SNX8: variants seen among roughly 807,000 people sequenced by gnomAD.
SNX8 encodes sorting nexin 8, also known as sorting nexin-8.
In SNX8, 25 loss-of-function variants were observed where a neutral mutation model predicts 51.6. The observed-to-expected ratio is 0.48, with a 90% CI of 0.35 to 0.68. SNX8 has a LOEUF of 0.68. Ranked by LOEUF, SNX8 falls within the 30% of genes least tolerant of loss-of-function variation. The probability of loss-of-function intolerance (pLI) is 0.00; values close to 1 mark genes in which losing one functional copy is unlikely to be tolerated. For synonymous variants in SNX8, 324 were observed against 277.0 expected, an observed-to-expected ratio of 1.17 and a Z score of -1.68; for missense variants, 695 against 624.0, an observed-to-expected ratio of 1.11 and a Z score of -1.21.
intron 1 of SNX8, among the ~76,000 whole-genome samples, chr7:2,292,822 C>T (rs1422015237): frequency 6.6e-6 from 1 of 151,986 alleles, no homozygotes; most frequent in Non-Finnish European, 1.5e-5. Context: ...GATTTGGACA[C>T]CAGCCTGGGC....
intron 5 of SNX8, among the ~76,000 whole-genome samples, chr7:2,264,929 A>G (rs1023288504): frequency 5.3e-5 from 8 of 152,114 alleles, no homozygotes; most frequent in African/African-American, 1.9e-4. Context: ...CAGCTACTCC[A>G]GAGGCTGAGA....
intron 1 of SNX8, among the ~76,000 whole-genome samples, chr7:2,350,486 A>C (rs1458605099): frequency 6.6e-6 from 1 of 152,212 alleles, no homozygotes; most frequent in African/African-American, 2.4e-5. Context: ...ACGTTTCTTT[A>C]GAAAGAGTTT....
upstream of SNX8, among the ~76,000 whole-genome samples, chr7:2,316,019 CCACTCACT>C (rs993772072): frequency 2.8e-5 from 4 of 142,462 alleles, no homozygotes; most frequent in South Asian, 2.3e-4. Context: ...ATTCATTCAC[CCACTCACT>C]CACCCACTCA....
At chr7:2,269,694 C>T in intron 4 of SNX8, 55 bp from the exon 5 acceptor site, 3 of 1,249,846 alleles carry the variant, frequency 2.4e-6, no homozygotes, top group Non-Finnish European at 3.4e-6. Context: ...AAGAAAGCTG[C>T]TGTGGGGTAT....
intron 7 of SNX8, among the ~76,000 whole-genome samples, chr7:2,260,102 G>C (rs1795300201): frequency 6.6e-6 from 1 of 152,016 alleles, no homozygotes; most frequent in South Asian, 2.1e-4. Flanking sequence ...TTACAGATTT[G>C]GCTTTTTTTT....
At chr7:2,333,604 G>C (rs1052486933) in intron 1 of SNX8, among the ~76,000 whole-genome samples, 2 of 151,912 alleles carry the variant, frequency 1.3e-5, no homozygotes, top group African/African-American at 4.8e-5. Flanking sequence ...AAGATAATGT[G>C]GTATTGTCAT....
chr7:2,281,353 C>T (rs934487660), intron 1 of SNX8, among the ~76,000 whole-genome samples: 5 of 151,406 alleles, frequency 3.3e-5, no homozygotes, highest in African/African-American at 7.3e-5. Context: ...CAAGAGTTCA[C>T]GGCTGCGGTA....
intron 1 of SNX8, among the ~76,000 whole-genome samples, chr7:2,297,156 C>A (rs1036142547): frequency 6.6e-6 from 1 of 151,860 alleles, no homozygotes; most frequent in African/African-American, 2.4e-5. Context: ...ACAGCCTTTG[C>A]GGAAAACAGT....
chr7:2,327,629 G>C (rs186627669), intron 1 of SNX8, among the ~76,000 whole-genome samples: 1 of 149,040 alleles, frequency 6.7e-6, no homozygotes, highest in Non-Finnish European at 1.5e-5. Context: ...GGATGGTCTC[G>C]ATCTCCTGAC....
rs1239499703 is a variant in SNX8, at chr7:2,253,186, C to T, written c.*1870G>A. On this transcript the variant is annotated 3_prime_UTR_variant, in exon 11 of 11. Transcript: ENST00000222990. ...CTCATACACTCACTGACCCCGGAGT[C>T]CCTGCCAGGAAAGCTCCTTCAGAAA... The T allele has an allele frequency of 6.5e-6, 1 of 154,432 alleles. No individual in the cohort carries two copies. Among genetic ancestry groups the T allele is most frequent in the Non-Finnish European group, 1.5e-5 (1 of 68,320 alleles). 9.6% of individuals were successfully genotyped at this position (154,432 alleles called of 1,614,324 possible). A position where few individuals can be genotyped will look rare whatever the true frequency, so the allele number is the denominator to read the frequency against.
chr7:2,271,454 T>C (rs970150146), intron 4 of SNX8, among the ~76,000 whole-genome samples: 1 of 152,164 alleles, frequency 6.6e-6, no homozygotes, highest in Non-Finnish European at 1.5e-5. Flanking sequence ...CGGATGCAGG[T>C]GTGGGCTGTG....
rs369791561 is a variant in SNX8, at chr7:2,312,911, T to TG, written c.94+1416_94+1417insC. Among the ~76,000 whole-genome samples, 442 of 152,256 alleles carry TG rather than the reference T, an allele frequency of 2.9e-3. 2 individuals are homozygous for TG. The highest frequency in any genetic ancestry group is 9.7e-3 in the African/African-American group (402 of 41,554). The stretch of plus-strand genomic sequence containing the variant: ...TCGTTTGTTTTGTTTTGTTTTGTTT[T>TG]TTTTGAGGCGGAGTCTCGCTCTGTC... On this transcript the variant is annotated intron_variant, in intron 1 of 10. Coordinates refer to ENST00000222990, the MANE Select transcript of SNX8 (RefSeq NM_013321.4).
intron 1 of SNX8, among the ~76,000 whole-genome samples, chr7:2,331,820 A>C (rs997314831): frequency 4.0e-5 from 6 of 151,634 alleles, no homozygotes; most frequent in Non-Finnish European, 7.4e-5. Flanking sequence ...ATGGAGGTTA[A>C]AGTGAGTCAA....
upstream of SNX8, among the ~76,000 whole-genome samples, chr7:2,315,602 C>T (rs1796740644): frequency 6.7e-6 from 1 of 150,066 alleles, no homozygotes; most frequent in Non-Finnish European, 1.5e-5. Flanking sequence ...CATTCACTCA[C>T]TCACTCACTT....
upstream of SNX8, among the ~76,000 whole-genome samples, chr7:2,315,834 GCATT>G (rs1026496117): frequency 2.4e-4 from 31 of 128,696 alleles, no homozygotes; most frequent in Admixed American, 4.9e-4. Context: ...ACTGCATCCT[GCATT>G]CATTCACTCA....
At chr7:2,293,067 T>A (rs1584710891) in intron 1 of SNX8, among the ~76,000 whole-genome samples, 1 of 150,874 alleles carries the variant, frequency 6.6e-6, no homozygotes, top group South Asian at 2.1e-4. Flanking sequence ...CTGAACTTCA[T>A]CAAAATTTAA....
At chr7:2,297,660 T>C (rs1186031524) in intron 1 of SNX8, among the ~76,000 whole-genome samples, 1 of 148,040 alleles carries the variant, frequency 6.8e-6, no homozygotes. Flanking sequence ...AACCGATGAG[T>C]AGATGCAGAA....
chr7:2,348,189 G>A (rs751256361), intron 1 of SNX8, among the ~76,000 whole-genome samples: 12 of 152,052 alleles, frequency 7.9e-5, no homozygotes, highest in Non-Finnish European at 1.5e-4. Flanking sequence ...TAGGTGAATC[G>A]TTTCTTCTGC....
chr7:2,257,549 G>C (rs373897592), intron 8 of SNX8, 35 bp from the exon 9 acceptor site: 2 of 1,598,172 alleles, frequency 1.3e-6, no homozygotes, highest in Non-Finnish European at 1.7e-6. Flanking sequence ...CCCGCTGTCT[G>C]GATGCCTGCG....
Sources: gnomAD v4.1 joint callset for allele counts (sites outside exome capture counted in the v4.1 genomes callset) on GRCh38, gnomAD v4.1.1 for gene constraint, MANE v1.5 for transcripts, NCBI Gene and HGNC (gene_info 2026-07-23, HGNC 2026-07-21) for gene names.